LDLRAD3: variants seen among roughly 807,000 people sequenced by gnomAD.
LDLRAD3 encodes low density lipoprotein receptor class A domain containing 3, also known as low-density lipoprotein receptor class A domain-containing protein 3.
A neutral mutation model predicts 29.4 loss-of-function variants in LDLRAD3; 20 were observed. The ratio of observed to expected loss-of-function variants is 0.68; its 90% confidence interval spans 0.48 to 0.99. The LOEUF (loss-of-function observed/expected upper bound fraction) is 0.99, where lower values mean the gene tolerates loss of function less well. Among genes scored for constraint, LDLRAD3 ranks in the 50% least tolerant of loss-of-function variants. LDLRAD3 has a pLI of 0.00. For missense variants in LDLRAD3, 420 were observed against 454.3 expected, an observed-to-expected ratio of 0.92 and a Z score of 0.69; for synonymous variants, 157 against 192.7, an observed-to-expected ratio of 0.81 and a Z score of 1.53.
intron 1 of LDLRAD3, among the ~76,000 whole-genome samples, chr11:35,977,529 A>G (rs1057218805): frequency 6.6e-6 from 1 of 152,202 alleles, no homozygotes; most frequent in Non-Finnish European, 1.5e-5. Context: ...GCTATTTTAC[A>G]GAAAATATGA....
intron 1 of LDLRAD3, among the ~76,000 whole-genome samples, chr11:36,031,448 G>A (rs530096850): frequency 1.7e-4 from 26 of 152,274 alleles, no homozygotes; most frequent in Middle Eastern, 6.8e-3. Flanking sequence ...TGAGGCAAGG[G>A]GCAGGTGGAA....
At chr11:36,052,145 TA>T (rs1287971459) in intron 2 of LDLRAD3, among the ~76,000 whole-genome samples, 4 of 152,174 alleles carry the variant, frequency 2.6e-5, no homozygotes, top group Non-Finnish European at 5.9e-5. Flanking sequence ...GATGTCTGGG[TA>T]GGGGGAATGT....
In LDLRAD3 at chr11:36,152,051, G is replaced by A. The variant is rs1223505148; in HGVS notation, c.454+53590G>A. 2.6e-5 allele frequency among the ~76,000 whole-genome samples: 4 copies of A among 152,224 alleles called. No individual in the cohort carries two copies. In the East Asian group the frequency reaches 5.8e-4, roughly 22 times the overall value. Reference sequence around the variant, plus strand: ...CCTTTTCCTGAGTGAGGTAAAAACTGGTAGAACCAAGGAATGCTGAATTTC... The same window carrying A: ...CCTTTTCCTGAGTGAGGTAAAAACTAGTAGAACCAAGGAATGCTGAATTTC... On this transcript the variant is annotated intron_variant, in intron 4 of 5. Coordinates refer to ENST00000315571, the MANE Select transcript of LDLRAD3 (RefSeq NM_174902.4).
chr11:36,074,051 G>A (rs1852953655), intron 2 of LDLRAD3, among the ~76,000 whole-genome samples: 1 of 152,154 alleles, frequency 6.6e-6, no homozygotes, highest in Admixed American at 6.5e-5. Context: ...AGAGCGCAAT[G>A]CTTAGCTCAT....
At chr11:36,209,930 A>G (rs908664453) in intron 4 of LDLRAD3, among the ~76,000 whole-genome samples, 1 of 152,228 alleles carries the variant, frequency 6.6e-6, no homozygotes, top group Non-Finnish European at 1.5e-5. Context: ...AACAAAATAA[A>G]TGGGTGCCAA....
chr11:36,066,573 A>G (rs1852797411), intron 2 of LDLRAD3, among the ~76,000 whole-genome samples: 1 of 152,212 alleles, frequency 6.6e-6, no homozygotes, highest in African/African-American at 2.4e-5. Flanking sequence ...AATAGCCAAA[A>G]TAAATAACCT....
chr11:36,048,692 T>C (rs992237566), intron 2 of LDLRAD3, among the ~76,000 whole-genome samples: 13 of 152,186 alleles, frequency 8.5e-5, no homozygotes, highest in African/African-American at 3.1e-4. Context: ...TCTAATCCTA[T>C]TCTGGTGGTG....
At chr11:36,144,573 C>T (rs560730871) in intron 4 of LDLRAD3, among the ~76,000 whole-genome samples, 1 of 149,052 alleles carries the variant, frequency 6.7e-6, no homozygotes, top group Non-Finnish European at 1.5e-5. Context: ...CGTCTCTGCC[C>T]GGCCGCCCCG....
intron 4 of LDLRAD3, among the ~76,000 whole-genome samples, chr11:36,191,282 A>C (rs760048364): frequency 2.6e-5 from 4 of 152,106 alleles, no homozygotes; most frequent in Non-Finnish European, 4.4e-5. Context: ...TCAGGCCTGT[A>C]ATCCCAACAC....
intron 4 of LDLRAD3, among the ~76,000 whole-genome samples, chr11:36,111,791 G>A (rs1032140224): frequency 2.2e-4 from 33 of 152,058 alleles, no homozygotes; most frequent in African/African-American, 7.2e-4. Context: ...GTAGAGATGG[G>A]GTTTCGCCAT....
At chr11:36,176,681 G>A (rs1243199383) in intron 4 of LDLRAD3, among the ~76,000 whole-genome samples, 3 of 152,244 alleles carry the variant, frequency 2.0e-5, no homozygotes, top group East Asian at 1.9e-4. Flanking sequence ...TGAGAAATCC[G>A]CCGTTAATCT....
chr11:36,048,953 A>T (rs1565185158), intron 2 of LDLRAD3, among the ~76,000 whole-genome samples: 1 of 152,174 alleles, frequency 6.6e-6, no homozygotes, highest in East Asian at 1.9e-4. Context: ...CCCCACTTCC[A>T]GAGAGCTTCA....
intron 1 of LDLRAD3, among the ~76,000 whole-genome samples, chr11:35,953,702 TG>T (rs1481656143): frequency 1.3e-5 from 2 of 152,194 alleles, no homozygotes; most frequent in African/African-American, 2.4e-5. Context: ...AAATTTAACT[TG>T]TTTTTTTATT....
intron 4 of LDLRAD3, among the ~76,000 whole-genome samples, chr11:36,167,291 A>G (rs1277918983): frequency 6.6e-6 from 1 of 152,024 alleles, no homozygotes; most frequent in Non-Finnish European, 1.5e-5. Context: ...CGCCCACACT[A>G]TTTGCTTGAA....
intron 1 of LDLRAD3, among the ~76,000 whole-genome samples, chr11:35,991,444 A>T (rs1163125433): frequency 1.3e-5 from 2 of 152,166 alleles, no homozygotes; most frequent in African/African-American, 4.8e-5. Context: ...TGGTGAAATT[A>T]ATTGCGGCCA....
intron 4 of LDLRAD3, among the ~76,000 whole-genome samples, chr11:36,188,831 AAC>A (rs1373205072): frequency 6.6e-6 from 1 of 152,208 alleles, no homozygotes; most frequent in Non-Finnish European, 1.5e-5. Context: ...CAGGTCCCAG[AAC>A]ACAGCCAGCC....
chr11:36,077,089 A>G (rs1440959474), intron 2 of LDLRAD3, among the ~76,000 whole-genome samples: 1 of 152,238 alleles, frequency 6.6e-6, no homozygotes, highest in Non-Finnish European at 1.5e-5. Context: ...TGCTCTGAGT[A>G]TATTTACACA....
intron 4 of LDLRAD3, among the ~76,000 whole-genome samples, chr11:36,181,307 TTCTCTG>T (rs1390742840): frequency 4.6e-5 from 7 of 152,218 alleles, no homozygotes; most frequent in African/African-American, 1.7e-4. Flanking sequence ...CTGCTTATTG[TTCTCTG>T]TCTTTTTGCA....
intron 4 of LDLRAD3, among the ~76,000 whole-genome samples, chr11:36,181,934 CT>C (rs1428010283): frequency 1.3e-5 from 2 of 152,152 alleles, no homozygotes; most frequent in African/African-American, 4.8e-5. Context: ...CTGTTTCTCT[CT>C]CTGTAATACA....
Sources: gnomAD v4.1 joint callset for allele counts (sites outside exome capture counted in the v4.1 genomes callset) on GRCh38, gnomAD v4.1.1 for gene constraint, MANE v1.5 for transcripts, NCBI Gene and HGNC (gene_info 2026-07-23, HGNC 2026-07-21) for gene names.